Variants in PGAP1 observed in about 807,000 individuals in gnomAD.
The protein encoded by PGAP1 is post-GPI attachment to proteins inositol deacylase 1.
Under a neutral mutation model 127.0 loss-of-function variants are expected in PGAP1, and 76 were observed. The observed-to-expected ratio is 0.60, with a 90% CI of 0.50 to 0.72. The LOEUF is 0.72. Among genes scored for constraint, PGAP1 ranks in the 30% least tolerant of loss-of-function variants. The pLI is 0.00. For synonymous variants in PGAP1, 362 were observed against 366.5 expected, an observed-to-expected ratio of 0.99 and a Z score of 0.14; for missense variants, 982 against 1,071.3, an observed-to-expected ratio of 0.92 and a Z score of 1.16.
rs538435998 is a variant in PGAP1, at chr2:196,851,524, CA to C, written c.1862-3488del. 2.5e-3 allele frequency among the ~76,000 whole-genome samples: 377 copies of C among 152,254 alleles called. 3 individuals are homozygous for C. Among genetic ancestry groups the C allele is most frequent in the African/African-American group, 8.6e-3 (357 of 41,548 alleles). Reference sequence around the variant, plus strand: ...TACTATGACCTGTGGACTCCTGTTCCAATACCCTATTCCCAAATAAACATTA... The same window carrying C: ...TACTATGACCTGTGGACTCCTGTTCCATACCCTATTCCCAAATAAACATTA... On this transcript the variant is annotated intron_variant, in intron 20 of 26. Transcript: ENST00000354764.
intron 20 of PGAP1, among the ~76,000 whole-genome samples, chr2:196,848,678 T>C (rs977977537): frequency 6.6e-6 from 1 of 152,232 alleles, no homozygotes; most frequent in African/African-American, 2.4e-5. Flanking sequence ...TGTATGATTA[T>C]ACTACATTTT....
chr2:196,847,002 C>G lies in PGAP1; in HGVS notation c.2150+1G>C. On this transcript the variant is annotated splice_donor_variant, in intron 22 of 26. Coordinates refer to ENST00000354764, the MANE Select transcript of PGAP1 (RefSeq NM_024989.4). LOFTEE classifies it high-confidence loss of function. ...AAAGCTGTTAATCATTCATTCTTTA[C>G]CTTTTCAAAGCTAGCCACAATGAAG... The G allele has an allele frequency of 1.2e-6, 2 of 1,609,714 alleles. No homozygotes were observed. Among genetic ancestry groups the G allele is most frequent in the Non-Finnish European group, 1.7e-6 (2 of 1,177,260 alleles).
intron 20 of PGAP1, among the ~76,000 whole-genome samples, chr2:196,849,538 T>A (rs1225497846): frequency 3.3e-5 from 5 of 151,646 alleles, no homozygotes; most frequent in South Asian, 4.2e-4. Context: ...TCTCCCAAAG[T>A]GTTGGGATTA....
At chr2:196,844,433 T>A in intron 24 of PGAP1, 91 bp downstream of exon 24, 1 of 832,818 alleles carries the variant, frequency 1.2e-6, no homozygotes, top group Non-Finnish European at 1.9e-6. Flanking sequence ...TTTTAAGCAC[T>A]ATGAAATACT....
chr2:196,873,171 C>T (rs547808116), intron 16 of PGAP1, 145 bp from the exon 17 acceptor site: 19 of 438,338 alleles, frequency 4.3e-5, no homozygotes, highest in African/African-American at 8.3e-5. Context: ...AAAATTATGG[C>T]GAATTCCTAA....
Position 196,842,822 on chromosome 2 carries a change from A to G in PGAP1, c.2529T>C (p.Tyr843=). The change falls in exon 26 of 27, where the codon TAT becomes TAC. Residue 843 remains tyrosine (Y), a synonymous_variant. Transcript: ENST00000354764. Reference sequence around the variant, plus strand: ...ATGGATCAGGATTAAGTTTAAAATAATACCTATAATATTAAAAAAAGAAAC... The same window carrying G: ...ATGGATCAGGATTAAGTTTAAAATAGTACCTATAATATTAAAAAAAGAAAC... ...SLIYWLKNLR[Y]YFKLNPDPCK... The G allele has an allele frequency of 7.0e-7, 1 of 1,429,300 alleles. No homozygotes were observed. The highest frequency in any genetic ancestry group is 2.3e-5 in the East Asian group (1 of 42,782). 88.5% of individuals were successfully genotyped at this position (1,429,300 alleles called of 1,614,324 possible).
chr2:196,842,027 T>C (rs1418331904), intron 26 of PGAP1, among the ~76,000 whole-genome samples: 1 of 151,096 alleles, frequency 6.6e-6, no homozygotes, highest in Admixed American at 6.6e-5. Flanking sequence ...GCTACAGAAA[T>C]GTTTATTTTA....
In PGAP1 at chr2:196,872,338, GC is replaced by G; in HGVS notation, c.1728+102del. On this transcript the variant is annotated intron_variant, in intron 18 of 26. Transcript: ENST00000354764. ...TATTTTAAATGCCTATTTTTTATAT[GC>G]ATTGGCTTCCATGCCACCATATATC... The G allele has an allele frequency of 4.3e-6, 3 of 699,462 alleles. No individual in the cohort carries two copies. In the South Asian group the frequency reaches 6.5e-5, roughly 15 times the overall value. The allele number at this position is 699,462 out of a possible 1,614,324, so 43.3% of individuals were successfully genotyped here.
chr2:196,858,876 A>G (rs891541663), intron 20 of PGAP1, among the ~76,000 whole-genome samples: 3 of 152,202 alleles, frequency 2.0e-5, no homozygotes, highest in African/African-American at 7.2e-5. Flanking sequence ...AGTTATTACA[A>G]CTGATACCAC....
chr2:196,914,915 G>A lies in PGAP1; in HGVS notation c.477+1503C>T, dbSNP rs961709874. 2.7e-5 allele frequency among the ~76,000 whole-genome samples: 4 copies of A among 150,592 alleles called. No individual in the cohort carries two copies. The East Asian group carries it at 5.9e-4, about 22-fold the overall frequency. ...CTGCAGCCCCAATCTCCTAGGCTCC[G>A]AGTAGATCCTCCTACCTCAGCCTCC... On this transcript the variant is annotated intron_variant, in intron 3 of 26. Coordinates refer to ENST00000354764, the MANE Select transcript of PGAP1 (RefSeq NM_024989.4).
At chr2:196,851,951 G>C (rs1700733216) in intron 20 of PGAP1, among the ~76,000 whole-genome samples, 1 of 151,986 alleles carries the variant, frequency 6.6e-6, no homozygotes, top group South Asian at 2.1e-4. Context: ...ATTTACTTTT[G>C]GTTTTCTGTG....
At chr2:196,861,549 T>C (rs1019505063) in intron 20 of PGAP1, among the ~76,000 whole-genome samples, 8 of 152,104 alleles carry the variant, frequency 5.3e-5, no homozygotes, top group African/African-American at 9.7e-5. Flanking sequence ...GAAATACCAA[T>C]GGATGGTCAG....
In PGAP1 at chr2:196,837,803, G is replaced by A. The variant is rs530388295; in HGVS notation, c.*3431C>T. On this transcript the variant is annotated 3_prime_UTR_variant, in exon 27 of 27. Transcript: ENST00000354764. ...CCTTACTATATAATCATGTAGATTA[G>A]TAGTATAGTTCACTCAAGAAGGGGT... is the stretch of plus-strand genomic sequence containing the variant. The A allele has an allele frequency of 6.6e-6, 1 of 152,194 alleles. No homozygotes were observed. The highest frequency in any genetic ancestry group is 1.5e-5 in the Non-Finnish European group (1 of 68,004). 9.4% of individuals were successfully genotyped at this position (152,194 alleles called of 1,614,324 possible).
chr2:196,899,172 A>G (rs1281488253), intron 5 of PGAP1, among the ~76,000 whole-genome samples: 2 of 152,192 alleles, frequency 1.3e-5, no homozygotes, highest in Non-Finnish European at 2.9e-5. Flanking sequence ...TGTACCATCA[A>G]AGAGACAAGG....
In PGAP1 at chr2:196,873,538, T is replaced by C. The variant is rs772138014; in HGVS notation, c.1542A>G (p.Ser514=). ...AFKINVVSKC[S]AVKEEITSIY... is the part of the protein sequence containing the mutation. ...AGAAAACATATTTACCTTTGACTGCTGAGCACTTGCTTACCACGTTGATTT... is the reference window on the plus strand; with the variant it reads ...AGAAAACATATTTACCTTTGACTGCCGAGCACTTGCTTACCACGTTGATTT... Residue 514 remains serine (S), a synonymous_variant, in exon 16 of 27, where the codon TCA becomes TCG. Transcript: ENST00000354764. 15 of 1,609,520 alleles carry C rather than the reference T, an allele frequency of 9.3e-6. No individual in the cohort carries two copies. Among genetic ancestry groups the C allele is most frequent in the Non-Finnish European group, 1.3e-5 (15 of 1,177,586 alleles).
rs1190535498 is a variant in PGAP1, at chr2:196,840,304, T to C, written c.*930A>G. On this transcript the variant is annotated 3_prime_UTR_variant, in exon 27 of 27. Transcript: ENST00000354764. ...TACCTTGATCATGTTGTTGTTGTTGTTTTTTCCCACAGCAGAAAAAATGGT... is the reference window on the plus strand; with the variant it reads ...TACCTTGATCATGTTGTTGTTGTTGCTTTTTCCCACAGCAGAAAAAATGGT... The C allele has an allele frequency of 6.6e-6, 1 of 152,110 alleles. No individual in the cohort carries two copies. The highest frequency in any genetic ancestry group is 1.5e-5 in the Non-Finnish European group (1 of 68,012). The allele number at this position is 152,110 out of a possible 1,614,324, so 9.4% of individuals were successfully genotyped here.
intron 5 of PGAP1, 107 bp from the exon 6 acceptor site, chr2:196,898,476 T>C (rs1702361903): frequency 4.3e-6 from 3 of 703,188 alleles, no homozygotes; most frequent in Non-Finnish European, 7.3e-6. Context: ...ATAGTTTCAC[T>C]ATATTGTGAG....
In PGAP1 at chr2:196,844,526, C is replaced by T. The variant is rs1700504445; in HGVS notation, c.2335G>A (p.Val779Met). The T allele has an allele frequency of 5.7e-6, 9 of 1,592,162 alleles. No homozygotes were observed. Among genetic ancestry groups the T allele is most frequent in the Admixed American group, 1.8e-5 (1 of 56,686 alleles). Residue 779 changes from valine (V) to methionine (M), a missense_variant and splice_region_variant, in exon 24 of 27, where the codon GTG becomes ATG. Transcript: ENST00000354764. ...AGAGTTTTGAAAATAAAACTTACCA[C>T]AGGCTGGCTATTCTTAAAAGTTGTT... ...SLTTFKNSQP[V>M]NPKHSRRSEK...
chr2:196,902,706 T>C lies in PGAP1; in HGVS notation c.686A>G (p.Asn229Ser), dbSNP rs779489727. The C allele has an allele frequency of 1.9e-6, 3 of 1,612,192 alleles. No individual in the cohort carries two copies. Among genetic ancestry groups the C allele is most frequent in the Non-Finnish European group, 1.7e-6 (2 of 1,178,562 alleles). The change falls in exon 5 of 27, where the codon AAT (asparagine) becomes AGT (serine). Residue 229 changes from asparagine to serine, a missense_variant. Coordinates refer to ENST00000354764, the MANE Select transcript of PGAP1 (RefSeq NM_024989.4). ...TGTGGTTAAATTTATGTGTCGAGCA[T>C]TTAGAATCCAATAGTTGTTTACAGT... ...YTTVNNYWIL[N>S]ARHINLTTLS...
Sources: gnomAD v4.1 joint callset for allele counts (sites outside exome capture counted in the v4.1 genomes callset) on GRCh38, gnomAD v4.1.1 for gene constraint, MANE v1.5 for transcripts, NCBI Gene and HGNC (gene_info 2026-07-23, HGNC 2026-07-21) for gene names.